Variants in SOX5 observed in about 807,000 individuals in gnomAD.
SOX5 encodes SRY-box transcription factor 5.
Under a neutral mutation model 92.0 loss-of-function variants are expected in SOX5, and 9 were observed. The ratio of observed to expected loss-of-function variants is 0.10; its 90% CI spans 0.06 to 0.17. The LOEUF (loss-of-function observed/expected upper bound fraction) is 0.17. Ranked by LOEUF, SOX5 falls within the 10% of genes least tolerant of loss-of-function variation. The pLI is 1.00. For missense variants in SOX5, 642 were observed against 944.5 expected (o/e 0.68, Z 4.20); for synonymous variants, 344 against 336.3 (o/e 1.02, Z -0.25).
chr12:23,850,301 C>T, intron 2 of SOX5, among the ~76,000 whole-genome samples: 1 of 151,574 alleles, frequency 6.6e-6, no homozygotes, highest in East Asian at 1.9e-4. Context: ...TGGTGGCGCG[C>T]ACCTGTAATC....
intron 6 of SOX5, among the ~76,000 whole-genome samples, chr12:23,710,124 G>A (rs146237694): frequency 0.019 from 2,873 of 152,058 alleles, 25 homozygotes; most frequent in South Asian, 0.029. Flanking sequence ...CACACCACAC[G>A]CACACACTCA....
At chr12:23,887,096 A>G (rs2097076003) in intron 2 of SOX5, among the ~76,000 whole-genome samples, 1 of 152,218 alleles carries the variant, frequency 6.6e-6, no homozygotes. Flanking sequence ...TTCTGTTACT[A>G]AAAACGAGTT....
At chr12:23,715,652 C>T (rs1293903583) in intron 6 of SOX5, among the ~76,000 whole-genome samples, 1 of 152,056 alleles carries the variant, frequency 6.6e-6, no homozygotes, top group Admixed American at 6.6e-5. Context: ...TTATTGGAAG[C>T]AGCTGGAGGC....
intron 1 of SOX5, among the ~76,000 whole-genome samples, chr12:24,522,932 G>C (rs570268992): frequency 1.3e-5 from 2 of 151,374 alleles, no homozygotes; most frequent in South Asian, 2.1e-4. Flanking sequence ...GGCAACGTAA[G>C]GAAAAAAAAA....
intron 3 of SOX5, among the ~76,000 whole-genome samples, chr12:24,235,905 A>C (rs771552224): frequency 1.3e-5 from 2 of 152,144 alleles, no homozygotes; most frequent in Admixed American, 6.5e-5. Context: ...TAAAGAAGTA[A>C]CAGGCTGGGT....
intron 2 of SOX5, among the ~76,000 whole-genome samples, chr12:24,349,834 T>G (rs2141153334): frequency 6.6e-6 from 1 of 152,336 alleles, no homozygotes; most frequent in East Asian, 1.9e-4. Flanking sequence ...GTAAATAATA[T>G]GTTTAACTCT....
At chr12:24,397,064 G>A (rs559461629) in intron 1 of SOX5, among the ~76,000 whole-genome samples, 155 of 152,210 alleles carry the variant, frequency 1.0e-3, no homozygotes, top group Non-Finnish European at 5.7e-4. Context: ...AAGTACCATC[G>A]CATCCTGCTC....
At chr12:24,000,652 A>G (rs1183037531) in intron 4 of SOX5, among the ~76,000 whole-genome samples, 2 of 152,198 alleles carry the variant, frequency 1.3e-5, no homozygotes, top group African/African-American at 2.4e-5. Context: ...AAGAACAGGC[A>G]TAAGATACAT....
chr12:24,547,455 TG>T (rs1194288273), intron 1 of SOX5, among the ~76,000 whole-genome samples: 1 of 151,160 alleles, frequency 6.6e-6, no homozygotes, highest in Non-Finnish European at 1.5e-5. Flanking sequence ...CCTCCCAAAG[TG>T]CTGGGATTAC....
intron 2 of SOX5, among the ~76,000 whole-genome samples, chr12:24,279,466 T>C (rs1166550972): frequency 6.6e-6 from 1 of 152,164 alleles, no homozygotes; most frequent in African/African-American, 2.4e-5. Flanking sequence ...TAATTTTCTA[T>C]GTATTTATAG....
At chr12:24,114,058 C>T (rs1947688442) in intron 4 of SOX5, among the ~76,000 whole-genome samples, 1 of 152,156 alleles carries the variant, frequency 6.6e-6, no homozygotes, top group South Asian at 2.1e-4. Flanking sequence ...AGAATTATGG[C>T]TAGCATCTGA....
At chr12:23,651,539 T>A (rs2081563524) in intron 7 of SOX5, among the ~76,000 whole-genome samples, 1 of 152,050 alleles carries the variant, frequency 6.6e-6, no homozygotes, top group Non-Finnish European at 1.5e-5. Context: ...ATCCTTGCCT[T>A]CAAAACACTT....
chr12:24,007,158 T>TAA (rs1569473636), intron 4 of SOX5, among the ~76,000 whole-genome samples: 9 of 7,378 alleles, frequency 1.2e-3, no homozygotes, highest in African/African-American at 2.2e-3. Context: ...TATATATATA[T>TAA]ATACATTTAT....
chr12:23,774,109 A>G (rs569465740), intron 3 of SOX5, among the ~76,000 whole-genome samples: 18 of 152,330 alleles, frequency 1.2e-4, no homozygotes, highest in Admixed American at 2.6e-4. Flanking sequence ...CGGTGTCTAC[A>G]CATTAAGTGC....
At chr12:23,755,862 CAG>C (rs1328378578) in intron 3 of SOX5, 138 bp from the exon 4 acceptor site, 3 of 543,394 alleles carry the variant, frequency 5.5e-6, no homozygotes, top group Non-Finnish European at 9.6e-6. Flanking sequence ...AAACTGATAA[CAG>C]GGGTGGAAAA....
At chr12:23,703,072 C>T (rs749561676) in intron 6 of SOX5, among the ~76,000 whole-genome samples, 21 of 152,048 alleles carry the variant, frequency 1.4e-4, no homozygotes, top group Non-Finnish European at 2.9e-4. Flanking sequence ...TTGCAGCCAG[C>T]TGGCTCCATA....
chr12:24,208,899 C>A (rs1381551437), intron 4 of SOX5, among the ~76,000 whole-genome samples: 1 of 151,970 alleles, frequency 6.6e-6, no homozygotes, highest in Non-Finnish European at 1.5e-5. Context: ...CTAAAAAATA[C>A]CTTTTGGATT....
At chr12:23,650,673 A>G (rs1033647627) in intron 7 of SOX5, among the ~76,000 whole-genome samples, 1 of 152,146 alleles carries the variant, frequency 6.6e-6, no homozygotes, top group Non-Finnish European at 1.5e-5. Context: ...ATTTATGCCT[A>G]CATCCAGGGA....
chr12:24,493,135 C>T (rs1200505945), intron 1 of SOX5, among the ~76,000 whole-genome samples: 1 of 151,986 alleles, frequency 6.6e-6, no homozygotes, highest in Non-Finnish European at 1.5e-5. Flanking sequence ...TTTTAAAGCT[C>T]CCAACAAATG....
Sources: allele counts gnomAD v4.1 joint callset (sites outside exome capture counted in the v4.1 genomes callset), GRCh38; gene constraint gnomAD v4.1.1; transcripts MANE v1.5; gene names NCBI Gene and HGNC (gene_info 2026-07-23, HGNC 2026-07-21).